Variants in SLC25A26 observed in about 807,000 individuals in gnomAD.
SLC25A26 encodes the protein solute carrier family 25 member 26.
SLC25A26 carries 36 observed loss-of-function variants against 37.8 expected under a neutral mutation model. The observed-to-expected ratio is 0.95, with a 90% CI of 0.73 to 1.26. The LOEUF (loss-of-function observed/expected upper bound fraction) is 1.26. SLC25A26 is among the 50% of genes most tolerant of loss of function. SLC25A26 has a pLI of 0.00. For synonymous variants in SLC25A26, 129 were observed against 122.5 expected (o/e 1.05, Z -0.35); for missense variants, 390 against 331.1 (o/e 1.18, Z -1.38).
chr3:66,157,828 G>T (rs528339118), intron 1 of SLC25A26, among the ~76,000 whole-genome samples: 2 of 152,288 alleles, frequency 1.3e-5, no homozygotes, highest in South Asian at 2.1e-4. Context: ...TCGCTCTGTT[G>T]TCCAGGCTGG....
intron 1 of SLC25A26, among the ~76,000 whole-genome samples, chr3:66,234,366 G>A (rs1411005600): frequency 6.6e-6 from 1 of 152,180 alleles, no homozygotes; most frequent in Non-Finnish European, 1.5e-5. Context: ...ATGACTTAGG[G>A]AAGGCCACCT....
chr3:66,341,018 G>A (rs1233509029), intron 5 of SLC25A26, among the ~76,000 whole-genome samples: 2 of 151,978 alleles, frequency 1.3e-5, no homozygotes, highest in African/African-American at 4.8e-5. Context: ...TGTAAATGGG[G>A]ACAGTTTTAC....
intron 1 of SLC25A26, among the ~76,000 whole-genome samples, chr3:66,226,989 G>A (rs1576662198): frequency 6.6e-6 from 1 of 152,164 alleles, no homozygotes; most frequent in Admixed American, 6.5e-5. Context: ...ATCAACAGTA[G>A]TTTGAACATT....
intron 1 of SLC25A26, among the ~76,000 whole-genome samples, chr3:66,209,432 G>T (rs1466551546): frequency 1.5e-5 from 2 of 136,242 alleles, no homozygotes; most frequent in African/African-American, 5.3e-5. Flanking sequence ...TCTATATATA[G>T]TCACATAAAG....
intron 1 of SLC25A26, among the ~76,000 whole-genome samples, chr3:66,137,292 A>G (rs1239709990): frequency 6.8e-6 from 1 of 147,048 alleles, no homozygotes; most frequent in East Asian, 2.0e-4. Context: ...GCGATCTCAA[A>G]CTCTGCTCAC....
chr3:66,271,566 T>A (rs900934414), intron 5 of SLC25A26, among the ~76,000 whole-genome samples: 6 of 152,120 alleles, frequency 3.9e-5, no homozygotes, highest in Non-Finnish European at 4.4e-5. Flanking sequence ...TCTCAGGGCC[T>A]TTATGAGTTG....
At position 66,150,609 on chromosome 3, in the gene SLC25A26, T is replaced by G. The variant is rs1272696931; in HGVS notation, c.-354+16625T>G. 1.5e-3 allele frequency among the ~76,000 whole-genome samples: 17 copies of G among 11,038 alleles called. 2 individuals carry two copies. Among genetic ancestry groups the G allele is most frequent in the East Asian group, 0.013 (4 of 308 alleles). 7.2% of individuals were successfully genotyped at this position (11,038 alleles called of 152,430 possible). ...TGATATATATATGTAATGAGATATA[T>G]ATATATATATATATATATATATATA... On this transcript the variant is annotated intron_variant, in intron 1 of 10. Coordinates refer to the SLC25A26 transcript ENST00000676754.
chr3:66,253,124 G>A (rs2073156433), intron 3 of SLC25A26, among the ~76,000 whole-genome samples: 1 of 151,068 alleles, frequency 6.6e-6, no homozygotes, highest in African/African-American at 2.4e-5. Context: ...TGTTGAGATG[G>A]GGGCCGGGCG....
chr3:66,183,061 G>T (rs544755400), intron 1 of SLC25A26, among the ~76,000 whole-genome samples: 1 of 152,162 alleles, frequency 6.6e-6, no homozygotes, highest in Non-Finnish European at 1.5e-5. Context: ...GTGTGTTTTG[G>T]TTATTCTATA....
chr3:66,191,768 G>A (rs1393475484), intron 1 of SLC25A26, among the ~76,000 whole-genome samples: 12 of 152,166 alleles, frequency 7.9e-5, no homozygotes, highest in African/African-American at 2.4e-4. Context: ...GCACGTGCCT[G>A]TAATCCTAGC....
At chr3:66,182,562 A>G (rs1205182999) in intron 1 of SLC25A26, among the ~76,000 whole-genome samples, 2 of 152,148 alleles carry the variant, frequency 1.3e-5, no homozygotes, top group Non-Finnish European at 2.9e-5. Context: ...GCAAGGAGTC[A>G]ATGCTTGAAA....
At chr3:66,134,765 A>G (rs972489209) in intron 1 of SLC25A26, among the ~76,000 whole-genome samples, 1 of 152,040 alleles carries the variant, frequency 6.6e-6, no homozygotes, top group African/African-American at 2.4e-5. Context: ...ACTGAGTTGG[A>G]GATTTTGTCA....
At chr3:66,314,617 A>T (rs2075478710) in intron 5 of SLC25A26, among the ~76,000 whole-genome samples, 1 of 152,112 alleles carries the variant, frequency 6.6e-6, no homozygotes, top group Non-Finnish European at 1.5e-5. Context: ...TGGTATCAGG[A>T]TGATGCTGGC....
At chr3:66,268,212 G>T (rs2073830626) in intron 5 of SLC25A26, among the ~76,000 whole-genome samples, 1 of 152,198 alleles carries the variant, frequency 6.6e-6, no homozygotes, top group African/African-American at 2.4e-5. Flanking sequence ...ATGCTGCAGT[G>T]AGTGATGCTG....
intron 5 of SLC25A26, among the ~76,000 whole-genome samples, chr3:66,301,914 G>A (rs2107561366): frequency 6.6e-6 from 1 of 152,300 alleles, no homozygotes; most frequent in Middle Eastern, 3.4e-3. Flanking sequence ...TCTGTAAGAT[G>A]AGAGTAACAA....
At position 66,230,805 on chromosome 3, in the gene SLC25A26, C is replaced by CAAAA. The variant is rs74185176; in HGVS notation, c.34-5728_34-5725dup. 2.0e-4 allele frequency among the ~76,000 whole-genome samples: 11 copies of CAAAA among 53,882 alleles called. 1 individual carries two copies. The highest frequency in any genetic ancestry group is 2.9e-4 in the Non-Finnish European group (10 of 35,016). 35.3% of individuals were successfully genotyped at this position (53,882 alleles called of 152,430 possible). The stretch of plus-strand genomic sequence containing the variant: ...GGGCAACAAGAGCAAAACTCTGTCT[C>CAAAA]AAAAAAAAAAAAAACAAAAAAAAAC... On this transcript the variant is annotated intron_variant, in intron 1 of 9. Transcript: ENST00000354883.
intron 5 of SLC25A26, chr3:66,304,523 C>A (rs1324467781): frequency 2.9e-5 from 13 of 455,558 alleles, no homozygotes; most frequent in Non-Finnish European, 4.0e-5. Flanking sequence ...GGCTTGTATA[C>A]ATGCTGTTAT....
intron 3 of SLC25A26, among the ~76,000 whole-genome samples, chr3:66,244,494 C>G (rs2072732915): frequency 6.6e-6 from 1 of 152,100 alleles, no homozygotes; most frequent in Non-Finnish European, 1.5e-5. Context: ...ACTTTGCACC[C>G]AACAAGTAAA....
intron 1 of SLC25A26, among the ~76,000 whole-genome samples, chr3:66,198,791 C>G (rs1042683611): frequency 1.7e-4 from 26 of 152,074 alleles, no homozygotes; most frequent in Non-Finnish European, 3.2e-4. Context: ...AACTCTTACC[C>G]TCACGTTCCC....
Sources: allele counts gnomAD v4.1 joint callset (sites outside exome capture counted in the v4.1 genomes callset), GRCh38; gene constraint gnomAD v4.1.1; transcripts MANE v1.5; gene names NCBI Gene and HGNC (gene_info 2026-07-23, HGNC 2026-07-21).